ARSL: variants seen among roughly 807,000 people sequenced by gnomAD.
ARSL encodes arylsulfatase E (chondrodysplasia punctata 1).
In ARSL, 4 loss-of-function variants were observed where a neutral mutation model predicts 31.1. The observed-to-expected ratio is 0.13, with a 90% CI of 0.06 to 0.29. The LOEUF (loss-of-function observed/expected upper bound fraction) is 0.29. Ranked by LOEUF, ARSL falls within the 10% of genes least tolerant of loss-of-function variation. The probability of loss-of-function intolerance (pLI) is 1.00; values close to 1 mark genes in which losing one functional copy is unlikely to be tolerated. For missense variants in ARSL, 312 were observed against 497.8 expected (o/e 0.63, Z 3.55); for synonymous variants, 198 against 209.9 (o/e 0.94, Z 0.49).
At chrX:2,945,609 G>A (rs2089367685) in intron 7 of ARSL, among the ~76,000 whole-genome samples, 1 of 110,921 alleles carries the variant, frequency 9.0e-6, no homozygotes, top group Non-Finnish European at 1.9e-5. Flanking sequence ...ATTAGGATGT[G>A]GACATCTTTG....
rs2089173825 is a variant in ARSL at position 2,934,853 on chromosome X, A to C, written c.1749T>G (p.Leu583=). 1 of 1,200,462 alleles carries C rather than the reference A, an allele frequency of 8.3e-7. No homozygotes were observed. Among genetic ancestry groups the C allele is most frequent in the Non-Finnish European group, 1.1e-6 (1 of 888,343 alleles). The change falls in exon 11 of 11, where the codon CTT becomes CTG. Residue 583 remains leucine (L), a synonymous_variant. Coordinates refer to ENST00000381134, the MANE Select transcript of ARSL (RefSeq NM_000047.3). ...CCGPFPLCWC[L]REDDPQ is the part of the protein sequence containing the mutation. ...ACATTTATTGTGGGTCATCTTCCCTAAGGCACCAGCAGAGGGGGAACGGGC... is the reference window on the plus strand; with the variant it reads ...ACATTTATTGTGGGTCATCTTCCCTCAGGCACCAGCAGAGGGGGAACGGGC...
At chrX:2,967,038 A>G (rs899591006), upstream of ARSL, among the ~76,000 whole-genome samples, 2 of 111,765 alleles carry the variant, frequency 1.8e-5, no homozygotes, top group African/African-American at 6.5e-5. Flanking sequence ...TTATGTGTGT[A>G]TGTATAGTAC....
At chrX:2,959,843 C>G in intron 2 of ARSL, 1 of 594,655 alleles carries the variant, frequency 1.7e-6, no homozygotes, top group Non-Finnish European at 2.4e-6. Flanking sequence ...ATTGCCTGAG[C>G]CCAGGTGTTT....
At chrX:2,953,297 G>A in intron 4 of ARSL, 32 bp from the exon 5 acceptor site, 3 of 1,191,019 alleles carry the variant, frequency 2.5e-6, no homozygotes, top group Non-Finnish European at 3.4e-6. Flanking sequence ...AAGAATTACT[G>A]TTCCACATTT....
intron 2 of ARSL, among the ~76,000 whole-genome samples, chrX:2,960,060 G>C (rs1372736015): frequency 9.5e-6 from 1 of 105,469 alleles, no homozygotes; most frequent in East Asian, 2.9e-4. Flanking sequence ...ACGAGGTCAG[G>C]AGATCGAGAC....
chrX:2,963,077 C>A lies in ARSL; in HGVS notation c.-21+1147G>T, dbSNP rs769189528. On this transcript the variant is annotated intron_variant, in intron 1 of 10. Transcript: ENST00000381134. The stretch of plus-strand genomic sequence containing the variant: ...TTTCTGTCTGTCGAAGAGAAAAAGA[C>A]CTTAGATATCATTTGTGCTTTGTTT... Among the ~76,000 whole-genome samples, 6 of 111,969 alleles carry A rather than the reference C, an allele frequency of 5.4e-5. No homozygotes were observed. In the South Asian group the frequency reaches 2.3e-3, roughly 42 times the overall value.
At chrX:2,950,769 G>A (rs758575621) in intron 5 of ARSL, among the ~76,000 whole-genome samples, 241 of 111,727 alleles carry the variant, frequency 2.2e-3, no homozygotes, top group African/African-American at 7.2e-3. Context: ...TTAGCAGCGT[G>A]AGAACAGACT....
At chrX:2,957,416 A>C (rs1190760266) in intron 3 of ARSL, among the ~76,000 whole-genome samples, 1 of 109,971 alleles carries the variant, frequency 9.1e-6, no homozygotes, top group Non-Finnish European at 1.9e-5. Flanking sequence ...CATATTTAAA[A>C]AATGAAATGA....
At chrX:2,962,158 C>T (rs980387007) in intron 1 of ARSL, among the ~76,000 whole-genome samples, 4 of 111,233 alleles carry the variant, frequency 3.6e-5, no homozygotes, top group African/African-American at 1.3e-4. Flanking sequence ...CACCTCATGC[C>T]TCCCTAAAAT....
chrX:2,954,150 A>T (rs913312946), intron 4 of ARSL, among the ~76,000 whole-genome samples: 6 of 111,035 alleles, frequency 5.4e-5, no homozygotes, highest in African/African-American at 2.0e-4. Context: ...AGGGGTGCTA[A>T]TTTTCATTGG....
At chrX:2,947,140 C>T (rs887089035) in intron 6 of ARSL, among the ~76,000 whole-genome samples, 2 of 110,495 alleles carry the variant, frequency 1.8e-5, no homozygotes, top group African/African-American at 3.3e-5. Context: ...GCTGAGATTG[C>T]GCCACTGCAC....
chrX:2,968,013 G>T (rs752671204), upstream of ARSL: 8 of 757,484 alleles, frequency 1.1e-5, no homozygotes, highest in African/African-American at 4.3e-5. Context: ...ATTATTTTTT[G>T]AAAGCAAATT....
At chrX:2,955,278 A>G in intron 4 of ARSL, 138 bp downstream of exon 4, 1 of 829,708 alleles carries the variant, frequency 1.2e-6, no homozygotes, top group Non-Finnish European at 1.7e-6. Flanking sequence ...CAGCATTTCA[A>G]GACCAGCATG....
At chrX:2,942,448 T>C (rs1331089289) in intron 8 of ARSL, among the ~76,000 whole-genome samples, 7 of 110,896 alleles carry the variant, frequency 6.3e-5, no homozygotes, top group South Asian at 3.9e-4. Flanking sequence ...TGTGCCACCA[T>C]GCCCGGCTAA....
upstream of ARSL, among the ~76,000 whole-genome samples, chrX:2,965,083 C>A (rs190548037): frequency 9.3e-6 from 1 of 107,820 alleles, no homozygotes; most frequent in Non-Finnish European, 1.9e-5. Context: ...CAAGACCCTG[C>A]CTCAAAAAAA....
chrX:2,949,654 G>A lies in ARSL; in HGVS notation c.504C>T (p.Asp168=), dbSNP rs1375660899. ...HCHHPLHHGF[D]HFYGMPFSLM... is the part of the protein sequence containing the mutation. The stretch of plus-strand genomic sequence containing the variant: ...AGGAGAAAGGCATTCCGTAGAAATG[G>A]TCAAAGCCATGATGGAGAGGGTGGT... The change falls in exon 6 of 11, where the codon GAC becomes GAT. Residue 168 remains aspartate, a synonymous_variant. Transcript: ENST00000381134. 2 of 1,209,861 alleles carry A rather than the reference G, an allele frequency of 1.7e-6. No homozygotes were observed. Among genetic ancestry groups the A allele is most frequent in the Non-Finnish European group, 2.2e-6 (2 of 895,263 alleles).
intron 7 of ARSL, among the ~76,000 whole-genome samples, chrX:2,943,699 G>A (rs754427716): frequency 1.1e-3 from 94 of 86,203 alleles, no homozygotes; most frequent in Middle Eastern, 8.2e-3. Context: ...CTGAGATCAC[G>A]CCACTGCGCT....
upstream of ARSL, chrX:2,968,018 CAAA>C (rs911916398): frequency 2.5e-6 from 2 of 794,348 alleles, no homozygotes; most frequent in African/African-American, 4.2e-5. Context: ...TTTTTGAAAG[CAAA>C]TTACTTTTAA....
intron 1 of ARSL, among the ~76,000 whole-genome samples, chrX:2,962,242 A>G (rs562359084): frequency 8.0e-5 from 9 of 111,856 alleles, no homozygotes; most frequent in Middle Eastern, 4.6e-3. Flanking sequence ...GTCATGGGCC[A>G]TGGTCACTCT....
Sources: allele counts gnomAD v4.1 joint callset (sites outside exome capture counted in the v4.1 genomes callset), GRCh38; gene constraint gnomAD v4.1.1; transcripts MANE v1.5; gene names NCBI Gene and HGNC (gene_info 2026-07-23, HGNC 2026-07-21).